NELL1: variants seen among roughly 807,000 people sequenced by gnomAD.
NELL1 encodes protein kinase C-binding protein NELL1.
In NELL1, 76 loss-of-function variants were observed where a neutral mutation model predicts 107.4. That is an observed-to-expected ratio of 0.71 (90% CI 0.59 to 0.86). NELL1 has a LOEUF of 0.86. NELL1 is among the 40% of genes least tolerant of loss of function. The probability of loss-of-function intolerance (pLI) is 0.00; values close to 1 mark genes in which losing one functional copy is unlikely to be tolerated. For synonymous variants in NELL1, 353 were observed against 341.2 expected (o/e 1.03, Z -0.38); for missense variants, 1,024 against 1,005.5 (o/e 1.02, Z -0.25).
chr11:21,074,845 C>G (rs1854097854), intron 12 of NELL1, among the ~76,000 whole-genome samples: 2 of 152,100 alleles, frequency 1.3e-5, no homozygotes, highest in African/African-American at 4.8e-5. Flanking sequence ...CATTGGGAAA[C>G]AAAGAGATCT....
Position 20,844,888 on chromosome 11 carries a change from A to C in NELL1, c.336-2695A>C, listed in dbSNP as rs7109727. Among the ~76,000 whole-genome samples the C allele has an allele frequency of 2.6e-5, 4 of 152,076 alleles. No individual in the cohort carries two copies. The East Asian group carries it at 7.7e-4, about 29-fold the overall frequency. Reference sequence around the variant, plus strand: ...CCACCCTGAGTCACAAGGTTCTACTAGAAAACATGAGTCTTCCCTCCAGGC... The same window carrying C: ...CCACCCTGAGTCACAAGGTTCTACTCGAAAACATGAGTCTTCCCTCCAGGC... On this transcript the variant is annotated intron_variant, in intron 3 of 19. Transcript: ENST00000357134.
At chr11:20,924,377 A>G (rs527249067) in intron 7 of NELL1, among the ~76,000 whole-genome samples, 1 of 152,268 alleles carries the variant, frequency 6.6e-6, no homozygotes, top group East Asian at 1.9e-4. Flanking sequence ...AGGACTTCTC[A>G]ATGTTGTCAG....
rs761894107 is a variant in NELL1 at position 20,973,101 on chromosome 11, C to CTTTTTTTTTT, written c.1300+12556_1300+12565dup. On this transcript the variant is annotated intron_variant, in intron 12 of 19. Transcript: ENST00000357134. ...TGCCTATCAAACAGGATCTTCATTA[C>CTTTTTTTTTT]TTTTTTTTTTTTTTTTTTTTTTTTG... is the stretch of plus-strand genomic sequence containing the variant. 3.9e-4 allele frequency among the ~76,000 whole-genome samples: 36 copies of CTTTTTTTTTT among 92,494 alleles called. 2 individuals are homozygous for CTTTTTTTTTT. The highest frequency in any genetic ancestry group is 5.4e-4 in the Non-Finnish European group (26 of 47,810). The allele number at this position is 92,494 out of a possible 152,430, so 60.7% of individuals were successfully genotyped here.
chr11:20,771,650 T>C (rs11025752), intron 2 of NELL1, among the ~76,000 whole-genome samples: 35,304 of 152,080 alleles, frequency 0.23, 4,362 homozygotes, highest in African/African-American at 0.28. Context: ...TTGCGTATCA[T>C]AGAGAGGGGA....
At chr11:20,776,479 A>T (rs1445208543) in intron 2 of NELL1, among the ~76,000 whole-genome samples, 1 of 151,186 alleles carries the variant, frequency 6.6e-6, no homozygotes, top group African/African-American at 2.4e-5. Flanking sequence ...ATAAAATTTT[A>T]TATATATATA....
At chr11:20,976,322 A>G (rs1851634860) in intron 12 of NELL1, among the ~76,000 whole-genome samples, 1 of 152,042 alleles carries the variant, frequency 6.6e-6, no homozygotes, top group Non-Finnish European at 1.5e-5. Context: ...CATGACGTGT[A>G]GTAATTGGCC....
intron 12 of NELL1, among the ~76,000 whole-genome samples, chr11:21,086,698 G>T (rs1247609679): frequency 6.6e-6 from 1 of 152,006 alleles, no homozygotes; most frequent in Non-Finnish European, 1.5e-5. Flanking sequence ...CCTAAAATAG[G>T]TTCTAACTGA....
intron 13 of NELL1, among the ~76,000 whole-genome samples, chr11:21,166,083 A>G (rs1451210584): frequency 6.6e-6 from 1 of 151,720 alleles, no homozygotes; most frequent in East Asian, 1.9e-4. Flanking sequence ...AACAACATGG[A>G]TGGAGCTGGA....
At chr11:20,985,984 G>T (rs567250645) in intron 12 of NELL1, among the ~76,000 whole-genome samples, 36 of 152,180 alleles carry the variant, frequency 2.4e-4, no homozygotes, top group Non-Finnish European at 4.7e-4. Context: ...ACCAGTTTCT[G>T]TCTTCGCAAT....
chr11:21,470,637 A>G (rs4363588), intron 15 of NELL1, among the ~76,000 whole-genome samples: 9,721 of 152,152 alleles, frequency 0.064, 690 homozygotes, highest in East Asian at 0.16. Context: ...CATTGCACTG[A>G]CATTCATGTG....
chr11:20,949,192 T>C (rs1032891956), intron 11 of NELL1, among the ~76,000 whole-genome samples: 4 of 152,150 alleles, frequency 2.6e-5, no homozygotes, highest in Non-Finnish European at 4.4e-5. Flanking sequence ...CACCTTCTGG[T>C]GTATGAAAAT....
At chr11:20,932,300 G>A (rs531100042) in intron 9 of NELL1, among the ~76,000 whole-genome samples, 1 of 152,164 alleles carries the variant, frequency 6.6e-6, no homozygotes, top group East Asian at 1.9e-4. Context: ...ACCAGAGATA[G>A]GAAGGAGGGA....
chr11:20,723,725 G>T (rs1855444851), intron 2 of NELL1, among the ~76,000 whole-genome samples: 5 of 146,254 alleles, frequency 3.4e-5, no homozygotes, highest in Admixed American at 3.3e-4. Context: ...CCCCAGTGGG[G>T]ACTCTGTGGG....
intron 14 of NELL1, among the ~76,000 whole-genome samples, chr11:21,274,458 T>C (rs756109485): frequency 1.2e-4 from 18 of 152,268 alleles, no homozygotes; most frequent in Non-Finnish European, 1.8e-4. Context: ...TGGGAGACTT[T>C]AACACCCCAC....
chr11:20,701,455 G>C (rs1376598676), intron 2 of NELL1, among the ~76,000 whole-genome samples: 1 of 152,046 alleles, frequency 6.6e-6, no homozygotes, highest in Admixed American at 6.6e-5. Context: ...CCATTCTGTA[G>C]GTTGCCTGTT....
At chr11:20,673,108 C>T (rs1205571277) in intron 1 of NELL1, among the ~76,000 whole-genome samples, 1 of 151,776 alleles carries the variant, frequency 6.6e-6, no homozygotes, top group Non-Finnish European at 1.5e-5. Flanking sequence ...GTGATCTGCC[C>T]GCCTCGGCTT....
chr11:21,405,313 G>T (rs942934138), intron 15 of NELL1, among the ~76,000 whole-genome samples: 14 of 151,994 alleles, frequency 9.2e-5, no homozygotes, highest in Admixed American at 2.0e-4. Context: ...CACCAATTTT[G>T]TAAAGAATAT....
At chr11:20,720,023 C>G (rs1855342597) in intron 2 of NELL1, among the ~76,000 whole-genome samples, 1 of 152,110 alleles carries the variant, frequency 6.6e-6, no homozygotes, top group African/African-American at 2.4e-5. Context: ...TGCCTCAAGG[C>G]TGAGTTTTTT....
Position 21,534,369 on chromosome 11 carries a change from G to C in NELL1, c.1646-5G>C. The C allele has an allele frequency of 6.2e-7, 1 of 1,613,704 alleles. No homozygotes were observed. Among genetic ancestry groups the C allele is most frequent in the Non-Finnish European group, 8.5e-7 (1 of 1,179,742 alleles). On this transcript the variant is annotated splice_region_variant and splice_polypyrimidine_tract_variant and intron_variant, in intron 15 of 19. Coordinates refer to ENST00000357134, the MANE Select transcript of NELL1 (RefSeq NM_006157.5). Reference sequence around the variant, plus strand: ...CTGGTGGGCTTGTGTTTTTCTCTGAGGCAGATATTGATGAATGTTCAGAGG... The same window carrying C: ...CTGGTGGGCTTGTGTTTTTCTCTGACGCAGATATTGATGAATGTTCAGAGG...
Sources: allele counts gnomAD v4.1 joint callset (sites outside exome capture counted in the v4.1 genomes callset), GRCh38; gene constraint gnomAD v4.1.1; transcripts MANE v1.5; gene names NCBI Gene and HGNC (gene_info 2026-07-23, HGNC 2026-07-21).